The following PBX1 variants were observed in gnomAD, a reference collection of about 807,000 sequenced individuals.
PBX1 encodes PBX homeobox 1.
A neutral mutation model predicts 53.4 loss-of-function variants in PBX1; 6 were observed. The observed-to-expected ratio is 0.11, with a 90% CI of 0.06 to 0.22. PBX1 has a LOEUF of 0.22. Ranked by LOEUF, PBX1 falls within the 10% of genes least tolerant of loss-of-function variation. The probability of loss-of-function intolerance (pLI) is 1.00; values close to 1 mark genes in which losing one functional copy is unlikely to be tolerated. For synonymous variants in PBX1, 204 were observed against 212.3 expected (o/e 0.96, Z 0.34); for missense variants, 251 against 551.4 (o/e 0.46, Z 5.46).
intron 2 of PBX1, among the ~76,000 whole-genome samples, chr1:164,571,953 C>T (rs1436972510): frequency 7.9e-6 from 1 of 126,478 alleles, no homozygotes; most frequent in African/African-American, 3.1e-5. Context: ...GTGTCCCAGG[C>T]AGGAGTGCAG....
chr1:164,657,782 A>G (rs960591723), intron 2 of PBX1, among the ~76,000 whole-genome samples: 1 of 152,110 alleles, frequency 6.6e-6, no homozygotes, highest in Non-Finnish European at 1.5e-5. Flanking sequence ...CCTGAGTTAG[A>G]TTTGCCTTTC....
rs148071998 is a variant in PBX1 at position 164,563,238 on chromosome 1, A to G, written c.192A>G (p.Arg64=). The change falls in exon 2 of 9, where the codon AGA becomes AGG. Residue 64 remains arginine (R), a splice_region_variant and synonymous_variant. Transcript: ENST00000420696. ...TDQSLDEAQA[R]KHALNCHRMK... ...CTATCATGTTGTTTCTTTCTTGCAG[A>G]AAACATGCTTTAAACTGCCACAGAA... The G allele has an allele frequency of 5.2e-5, 84 of 1,609,120 alleles. No individual in the cohort carries two copies. In the African/African-American group the frequency reaches 7.2e-4, roughly 14 times the overall value.
intron 2 of PBX1, among the ~76,000 whole-genome samples, chr1:164,696,122 T>C (rs757549290): frequency 9.9e-5 from 15 of 152,166 alleles, no homozygotes; most frequent in African/African-American, 1.4e-4. Context: ...TGAAATTAGA[T>C]TGAAGGACTT....
intron 2 of PBX1, among the ~76,000 whole-genome samples, chr1:164,714,696 G>A (rs1189302199): frequency 6.6e-6 from 1 of 152,194 alleles, no homozygotes; most frequent in Non-Finnish European, 1.5e-5. Context: ...AAGAGACTGA[G>A]TTCTTTAGTT....
intron 2 of PBX1, among the ~76,000 whole-genome samples, chr1:164,660,128 C>G (rs1466856770): frequency 1.3e-5 from 2 of 152,174 alleles, no homozygotes; most frequent in East Asian, 3.9e-4. Context: ...GGGCAATATT[C>G]TACAGGGTAG....
At chr1:164,577,239 A>AT (rs1454305165) in intron 2 of PBX1, among the ~76,000 whole-genome samples, 2 of 152,144 alleles carry the variant, frequency 1.3e-5, no homozygotes, top group Non-Finnish European at 2.9e-5. Context: ...AAGAACCTTG[A>AT]TGTACTTTAA....
intron 2 of PBX1, among the ~76,000 whole-genome samples, chr1:164,716,355 C>T (rs1664081362): frequency 6.6e-6 from 1 of 151,988 alleles, no homozygotes; most frequent in Non-Finnish European, 1.5e-5. Context: ...AATATGTAGC[C>T]TACATATTGA....
chr1:164,568,446 C>G (rs1653589034), intron 2 of PBX1, among the ~76,000 whole-genome samples: 3 of 152,148 alleles, frequency 2.0e-5, no homozygotes, highest in Non-Finnish European at 1.5e-5. Context: ...CATTCATTTT[C>G]ATTGCCATAT....
chr1:164,853,800 A>G (rs1332969596), downstream of PBX1, among the ~76,000 whole-genome samples: 1 of 152,112 alleles, frequency 6.6e-6, no homozygotes, highest in African/African-American at 2.4e-5. Context: ...AGAGTATGGT[A>G]AAGTGTAGGT....
chr1:164,595,813 C>T (rs556451844), intron 2 of PBX1, among the ~76,000 whole-genome samples: 3 of 152,030 alleles, frequency 2.0e-5, no homozygotes, highest in South Asian at 2.1e-4. Context: ...CAAATGGGCT[C>T]ATAAGAAAAG....
At chr1:164,791,264 C>T (rs1458618204) in intron 2 of PBX1, among the ~76,000 whole-genome samples, 1 of 152,202 alleles carries the variant, frequency 6.6e-6, no homozygotes, top group Non-Finnish European at 1.5e-5. Context: ...TGCTGATTTA[C>T]TAAATCACTG....
chr1:164,577,228 A>G (rs947403328), intron 2 of PBX1, among the ~76,000 whole-genome samples: 33 of 152,170 alleles, frequency 2.2e-4, no homozygotes, highest in Non-Finnish European at 1.2e-4. Context: ...TTTTTAACCC[A>G]AAGAACCTTG....
At chr1:164,758,882 A>G (rs1332149295) in intron 2 of PBX1, among the ~76,000 whole-genome samples, 6 of 152,198 alleles carry the variant, frequency 3.9e-5, no homozygotes, top group Admixed American at 3.9e-4. Flanking sequence ...CTGAATTACT[A>G]AATGCATGGA....
intron 2 of PBX1, among the ~76,000 whole-genome samples, chr1:164,870,239 T>C (rs970253769): frequency 1.3e-4 from 7 of 52,618 alleles, no homozygotes; most frequent in African/African-American, 5.5e-4. Context: ...CCTTCCTTCC[T>C]TCCTTCCTTC....
chr1:164,666,248 C>G (rs987661219), intron 2 of PBX1, among the ~76,000 whole-genome samples: 4 of 152,202 alleles, frequency 2.6e-5, no homozygotes, highest in African/African-American at 7.2e-5. Flanking sequence ...CTCAGCCCTT[C>G]TTCCCCAAAG....
chr1:164,622,756 G>A (rs974540402), intron 2 of PBX1, among the ~76,000 whole-genome samples: 9 of 150,992 alleles, frequency 6.0e-5, no homozygotes, highest in Non-Finnish European at 1.0e-4. Flanking sequence ...CACTTTGCTG[G>A]TGTGTGCTCA....
chr1:164,821,632 A>G lies in PBX1; in HGVS notation c.1200+6A>G. ...ACAGTCCGCAGGGCATCAGTGTAAG[A>G]AAACAAGCCCCCCCACCCCCTGCTT... On this transcript the variant is annotated splice_donor_region_variant and intron_variant, in intron 8 of 8. Transcript: ENST00000420696. 3.7e-6 allele frequency: 6 copies of G among 1,608,864 alleles called. No individual in the cohort carries two copies. Among genetic ancestry groups the G allele is most frequent in the Non-Finnish European group, 5.1e-6 (6 of 1,175,254 alleles).
intron 2 of PBX1, among the ~76,000 whole-genome samples, chr1:164,790,379 C>A (rs1052465726): frequency 2.6e-5 from 4 of 152,184 alleles, no homozygotes; most frequent in African/African-American, 7.2e-5. Flanking sequence ...ACCTCCTAAC[C>A]TTTTGCCGTC....
chr1:164,709,299 A>G (rs1557957456), intron 2 of PBX1, among the ~76,000 whole-genome samples: 1 of 152,202 alleles, frequency 6.6e-6, no homozygotes, highest in East Asian at 1.9e-4. Context: ...GGACCGCTGG[A>G]GAAATAGGCC....
Sources: allele counts gnomAD v4.1 joint callset (sites outside exome capture counted in the v4.1 genomes callset), GRCh38; gene constraint gnomAD v4.1.1; transcripts MANE v1.5; gene names NCBI Gene and HGNC (gene_info 2026-07-23, HGNC 2026-07-21).